The following PPFIBP2 variants were observed in gnomAD, a reference collection of about 807,000 sequenced individuals.
PPFIBP2 encodes liprin-beta-2.
PPFIBP2 carries 118 observed loss-of-function variants against 118.3 expected under a neutral mutation model. The ratio of observed to expected loss-of-function variants is 1.00; its 90% CI spans 0.86 to 1.16. PPFIBP2 has a LOEUF of 1.16. Among genes scored for constraint, PPFIBP2 ranks in the 50% most tolerant of loss-of-function variants. PPFIBP2 has a pLI of 0.00. For synonymous variants in PPFIBP2, 414 were observed against 397.4 expected, an observed-to-expected ratio of 1.04 and a Z score of -0.50; for missense variants, 1,195 against 1,073.1, an observed-to-expected ratio of 1.11 and a Z score of -1.59.
intron 2 of PPFIBP2, among the ~76,000 whole-genome samples, chr11:7,562,960 T>C (rs868786973): frequency 3.8e-5 from 2 of 53,310 alleles, no homozygotes; most frequent in Admixed American, 1.4e-4. Flanking sequence ...TATATATATA[T>C]ATATATATAT....
Position 7,648,423 on chromosome 11 carries a change from G to A in PPFIBP2, c.1683G>A (p.Glu561=). Residue 561 remains glutamate (E), a synonymous_variant, in exon 18 of 24, where the codon GAG becomes GAA. Transcript: ENST00000299492. ...ANAPFAQWST[E]RVCAWLEDFG... is the part of the protein sequence containing the mutation. ...CCCCCTTTGCCCAGTGGAGCACAGA[G>A]CGTGTGTGTGCATGGCTGGAGGACT... The A allele has an allele frequency of 6.2e-7, 1 of 1,614,168 alleles. No homozygotes were observed. Among genetic ancestry groups the A allele is most frequent in the Non-Finnish European group, 8.5e-7 (1 of 1,180,044 alleles).
intron 3 of PPFIBP2, 94 bp downstream of exon 3, chr11:7,565,861 G>C: frequency 4.4e-6 from 6 of 1,349,844 alleles, no homozygotes; most frequent in Non-Finnish European, 6.1e-6. Flanking sequence ...TGAGTCATCT[G>C]TATACCTTCC....
At chr11:7,571,492 A>T (rs928837374) in intron 3 of PPFIBP2, among the ~76,000 whole-genome samples, 1 of 152,076 alleles carries the variant, frequency 6.6e-6, no homozygotes, top group South Asian at 2.1e-4. Context: ...TTACCATGGG[A>T]TTCATTTCTG....
intron 5 of PPFIBP2, among the ~76,000 whole-genome samples, chr11:7,604,447 C>T (rs1262016869): frequency 6.6e-6 from 1 of 150,518 alleles, no homozygotes; most frequent in Non-Finnish European, 1.5e-5. Flanking sequence ...CACACACACC[C>T]ACCTACTCAC....
the PPFIBP2 span, among the ~76,000 whole-genome samples, chr11:7,663,878 A>T: frequency 6.6e-6 from 1 of 152,174 alleles, no homozygotes; most frequent in Non-Finnish European, 1.5e-5. Flanking sequence ...CCGTCGGAAA[A>T]GCGCAGTATT....
At chr11:7,537,043 G>A (rs912503963) in intron 1 of PPFIBP2, among the ~76,000 whole-genome samples, 3 of 152,124 alleles carry the variant, frequency 2.0e-5, no homozygotes, top group Admixed American at 2.0e-4. Context: ...AGCTCCTTGA[G>A]AAGGATCCTT....
At chr11:7,632,637 C>T in intron 11 of PPFIBP2, 1 of 463,216 alleles carries the variant, frequency 2.2e-6, no homozygotes, top group South Asian at 2.2e-5. Context: ...TGAACATGAT[C>T]TAAGCTCTAG....
At chr11:7,520,811 A>AT (rs1849692783) in intron 1 of PPFIBP2, among the ~76,000 whole-genome samples, 2 of 152,060 alleles carry the variant, frequency 1.3e-5, no homozygotes, top group African/African-American at 4.8e-5. Flanking sequence ...TCTTAGTATC[A>AT]TTTTTTGGTT....
At chr11:7,570,129 AC>A (rs1855491309) in intron 3 of PPFIBP2, among the ~76,000 whole-genome samples, 2 of 122,048 alleles carry the variant, frequency 1.6e-5, no homozygotes, top group Admixed American at 1.8e-4. Flanking sequence ...GGGTGTCTCT[AC>A]CCCTCCACAC....
At chr11:7,518,447 C>G (rs7102169) in intron 1 of PPFIBP2, among the ~76,000 whole-genome samples, 1 of 151,614 alleles carries the variant, frequency 6.6e-6, no homozygotes, top group Non-Finnish European at 1.5e-5. Context: ...AACACATAAT[C>G]GTGTGGTCTC....
intron 3 of PPFIBP2, among the ~76,000 whole-genome samples, chr11:7,586,567 T>G (rs1485249214): frequency 6.6e-6 from 1 of 152,228 alleles, no homozygotes; most frequent in Non-Finnish European, 1.5e-5. Context: ...ACCCTTTCTG[T>G]TGCTCCGTGA....
At chr11:7,656,831 G>C (rs1854735596), downstream of PPFIBP2, 1 of 1,288,124 alleles carries the variant, frequency 7.8e-7, no homozygotes, top group Non-Finnish European at 1.0e-6. Flanking sequence ...AGGGAGGCAT[G>C]TGTGGGGGCC....
chr11:7,628,390 C>G, intron 9 of PPFIBP2, 44 bp downstream of exon 9: 2 of 1,575,968 alleles, frequency 1.3e-6, no homozygotes, highest in Non-Finnish European at 1.7e-6. Context: ...ATGCTTACAT[C>G]CCTGGCTGTG....
At chr11:7,590,881 G>T (rs1475178256) in intron 3 of PPFIBP2, among the ~76,000 whole-genome samples, 1 of 152,182 alleles carries the variant, frequency 6.6e-6, no homozygotes, top group African/African-American at 2.4e-5. Flanking sequence ...CACAAAATCT[G>T]TCTATGAAAA....
intron 2 of PPFIBP2, among the ~76,000 whole-genome samples, chr11:7,550,903 A>G (rs7116470): frequency 0.38 from 58,301 of 151,754 alleles, 11,825 homozygotes; most frequent in African/African-American, 0.51. Flanking sequence ...TCCTGCCCCC[A>G]AACATCAGAC....
chr11:7,551,346 G>A (rs2134552441), intron 2 of PPFIBP2, among the ~76,000 whole-genome samples: 1 of 152,312 alleles, frequency 6.6e-6, no homozygotes, highest in African/African-American at 2.4e-5. Flanking sequence ...GGTTGTCAGG[G>A]AGGGATGAAA....
At chr11:7,658,339 T>C (rs1236250496), downstream of PPFIBP2, among the ~76,000 whole-genome samples, 1 of 112,898 alleles carries the variant, frequency 8.9e-6, no homozygotes, top group Non-Finnish European at 1.7e-5. Flanking sequence ...ATATTCCCCT[T>C]CCTGTGTCCA....
chr11:7,605,956 TGA>T, intron 5 of PPFIBP2: 6 of 1,533,894 alleles, frequency 3.9e-6, no homozygotes, highest in Non-Finnish European at 5.2e-6. Flanking sequence ...GAGTGGATAC[TGA>T]ATGGGAAAGT....
chr11:7,537,803 C>G (rs558242515), intron 1 of PPFIBP2, among the ~76,000 whole-genome samples: 19 of 152,280 alleles, frequency 1.2e-4, no homozygotes, highest in African/African-American at 4.6e-4. Flanking sequence ...ATCCCTGCCT[C>G]GCTTCCCTGC....
Sources: gnomAD v4.1 joint callset for allele counts (sites outside exome capture counted in the v4.1 genomes callset) on GRCh38, gnomAD v4.1.1 for gene constraint, MANE v1.5 for transcripts, NCBI Gene and HGNC (gene_info 2026-07-23, HGNC 2026-07-21) for gene names.